The following EPB41L3 variants were observed in gnomAD, a reference collection of about 807,000 sequenced individuals.
EPB41L3 encodes the protein erythrocyte membrane protein band 4.1 like 3.
Under a neutral mutation model 127.1 loss-of-function variants are expected in EPB41L3, and 57 were observed. The ratio of observed to expected loss-of-function variants is 0.45; its 90% CI spans 0.36 to 0.56. The LOEUF (loss-of-function observed/expected upper bound fraction) is 0.56, where lower values mean the gene tolerates loss of function less well. Ranked by LOEUF, EPB41L3 falls within the 20% of genes least tolerant of loss-of-function variation. The pLI is 0.00. For synonymous variants in EPB41L3, 572 were observed against 549.5 expected, an observed-to-expected ratio of 1.04 and a Z score of -0.57; for missense variants, 1,273 against 1,372.2, an observed-to-expected ratio of 0.93 and a Z score of 1.14.
At chr18:5,567,923 C>T (rs932184770) in intron 3 of EPB41L3, among the ~76,000 whole-genome samples, 42 of 151,970 alleles carry the variant, frequency 2.8e-4, no homozygotes, top group African/African-American at 1.0e-3. Flanking sequence ...ATTATAGTCA[C>T]ATAGAATGAA....
At position 5,533,187 on chromosome 18, in the gene EPB41L3, T is replaced by C. The variant is rs141675671; in HGVS notation, c.-12+10726A>G. Among the ~76,000 whole-genome samples, 141 of 152,252 alleles carry C rather than the reference T, an allele frequency of 9.3e-4. 1 individual carries two copies. Among genetic ancestry groups the C allele is most frequent in the African/African-American group, 3.2e-3 (134 of 41,534 alleles). ...CAACGTCTGAAAATGGTTACACAAT[T>C]TGTCGGGCTTGCTGCCTCTTTGCGC... On this transcript the variant is annotated intron_variant, in intron 1 of 22. Coordinates refer to ENST00000341928, the MANE Select transcript of EPB41L3 (RefSeq NM_012307.5).
At chr18:5,446,484 C>T (rs373533189) in intron 3 of EPB41L3, among the ~76,000 whole-genome samples, 3 of 152,084 alleles carry the variant, frequency 2.0e-5, no homozygotes, top group Admixed American at 6.5e-5. Flanking sequence ...TTTGTTTGTG[C>T]GCTACTAACA....
At chr18:5,565,279 G>T (rs527382318) in intron 3 of EPB41L3, among the ~76,000 whole-genome samples, 1 of 151,926 alleles carries the variant, frequency 6.6e-6, no homozygotes, top group African/African-American at 2.4e-5. Context: ...GGGCATGGCA[G>T]TGTGTGCCTG....
chr18:5,556,451 G>T (rs1002300191), intron 3 of EPB41L3, among the ~76,000 whole-genome samples: 1 of 152,180 alleles, frequency 6.6e-6, no homozygotes, highest in African/African-American at 2.4e-5. Flanking sequence ...GGTGCTGCTG[G>T]AGTAGGAACA....
chr18:5,529,928 A>ATGTG (rs10611279), intron 1 of EPB41L3, among the ~76,000 whole-genome samples: 5,167 of 146,834 alleles, frequency 0.035, 106 homozygotes, highest in East Asian at 0.11. Flanking sequence ...CAACTCATAT[A>ATGTG]TGTGTGTGTG....
intron 1 of EPB41L3, among the ~76,000 whole-genome samples, chr18:5,499,386 T>C (rs542283694): frequency 3.3e-5 from 5 of 152,306 alleles, no homozygotes; most frequent in Admixed American, 3.3e-4. Context: ...TGGGATCACC[T>C]ACAGTTGCAT....
chr18:5,473,192 T>A (rs2086487228), intron 3 of EPB41L3, among the ~76,000 whole-genome samples: 1 of 152,144 alleles, frequency 6.6e-6, no homozygotes, highest in African/African-American at 2.4e-5. Flanking sequence ...CATGTTTCCC[T>A]GGAATACTAG....
At chr18:5,585,973 A>G (rs2143380341) in intron 3 of EPB41L3, among the ~76,000 whole-genome samples, 1 of 152,310 alleles carries the variant, frequency 6.6e-6, no homozygotes, top group African/African-American at 2.4e-5. Context: ...GGCTCAGTTA[A>G]CACTATTACC....
intron 22 of EPB41L3, chr18:5,393,737 T>C (rs1337129610): frequency 2.7e-6 from 1 of 371,958 alleles, no homozygotes; most frequent in East Asian, 4.4e-5. Flanking sequence ...TTGAGTAAAA[T>C]GAGTATTTTT....
At chr18:5,628,403 A>G (rs1439371922) in intron 1 of EPB41L3, among the ~76,000 whole-genome samples, 2 of 152,196 alleles carry the variant, frequency 1.3e-5, no homozygotes, top group African/African-American at 4.8e-5. Flanking sequence ...GGGGTCTGTA[A>G]CTAACACCAG....
chr18:5,393,940 A>G (rs2072851070), intron 22 of EPB41L3: 1 of 164,980 alleles, frequency 6.1e-6, no homozygotes, highest in Admixed American at 6.3e-5. Flanking sequence ...ATGGCAGGTG[A>G]CTATGCATGA....
chr18:5,453,252 G>A (rs1347103458), intron 3 of EPB41L3, among the ~76,000 whole-genome samples: 1 of 152,178 alleles, frequency 6.6e-6, no homozygotes, highest in Non-Finnish European at 1.5e-5. Context: ...AGAGAAATCT[G>A]TCAAGTCAAA....
chr18:5,623,626 G>A (rs2094889898), intron 1 of EPB41L3, among the ~76,000 whole-genome samples: 1 of 151,322 alleles, frequency 6.6e-6, no homozygotes, highest in South Asian at 2.1e-4. Flanking sequence ...GTATACACAT[G>A]AGGAATGACA....
At chr18:5,562,772 A>T (rs910496443) in intron 3 of EPB41L3, among the ~76,000 whole-genome samples, 1 of 152,138 alleles carries the variant, frequency 6.6e-6, no homozygotes, top group Non-Finnish European at 1.5e-5. Context: ...AGGATGTCTC[A>T]TCCCCCCACA....
intron 1 of EPB41L3, among the ~76,000 whole-genome samples, chr18:5,498,587 T>A (rs1314558721): frequency 7.6e-4 from 11 of 14,442 alleles, no homozygotes; most frequent in African/African-American, 2.0e-4. Flanking sequence ...AGAGCGAGAC[T>A]CCATCTCAAA....
chr18:5,626,894 A>G (rs149398911), intron 1 of EPB41L3, among the ~76,000 whole-genome samples: 32 of 152,334 alleles, frequency 2.1e-4, no homozygotes, highest in African/African-American at 7.7e-4. Context: ...GATTGGAGGT[A>G]GCATGAAGAA....
At chr18:5,522,299 T>A (rs1429680654) in intron 1 of EPB41L3, among the ~76,000 whole-genome samples, 1 of 151,994 alleles carries the variant, frequency 6.6e-6, no homozygotes. Context: ...TTGTTTTGTA[T>A]TTTTAGTAGA....
intron 1 of EPB41L3, chr18:5,540,598 A>C (rs1340374962): frequency 2.1e-6 from 2 of 969,168 alleles, no homozygotes; most frequent in South Asian, 9.5e-5. Flanking sequence ...AATTCCCAAC[A>C]AATCAGCAGC....
intron 1 of EPB41L3, among the ~76,000 whole-genome samples, chr18:5,539,259 TC>T (rs2093659187): frequency 1.3e-5 from 2 of 152,012 alleles, no homozygotes; most frequent in Non-Finnish European, 2.9e-5. Flanking sequence ...TCTCTCTCTC[TC>T]TCTCTCTCTC....
Sources: gnomAD v4.1 joint callset for allele counts (sites outside exome capture counted in the v4.1 genomes callset) on GRCh38, gnomAD v4.1.1 for gene constraint, MANE v1.5 for transcripts, NCBI Gene and HGNC (gene_info 2026-07-23, HGNC 2026-07-21) for gene names.